ARIH2: variants seen among roughly 807,000 people sequenced by gnomAD.
ARIH2 encodes ariadne RBR E3 ubiquitin protein ligase 2.
Under a neutral mutation model 79.8 loss-of-function variants are expected in ARIH2, and 12 were observed. That is an observed-to-expected ratio of 0.15 (90% CI 0.10 to 0.24). The LOEUF is 0.24. Among genes scored for constraint, ARIH2 ranks in the 10% least tolerant of loss-of-function variants. ARIH2 has a pLI of 1.00. For missense variants in ARIH2, 301 were observed against 618.3 expected (o/e 0.49, Z 5.44); for synonymous variants, 224 against 213.9 (o/e 1.05, Z -0.41).
rs1424113790 is a variant in ARIH2, at chr3:48,980,338, T to C, written c.1114-15T>C. The C allele has an allele frequency of 6.2e-7, 1 of 1,611,360 alleles. No homozygotes were observed. The highest frequency in any genetic ancestry group is 2.2e-5 in the East Asian group (1 of 44,882). The stretch of plus-strand genomic sequence containing the variant: ...TGGGACTCCTGTGGTTTTCTTCTTC[T>C]TCTGTGCCCTGTAGTGGGAAAACCA... On this transcript the variant is annotated splice_polypyrimidine_tract_variant and intron_variant, in intron 12 of 15. Transcript: ENST00000356401.
intron 3 of ARIH2, among the ~76,000 whole-genome samples, chr3:48,955,949 C>T (rs1246960114): frequency 6.6e-6 from 1 of 152,150 alleles, no homozygotes; most frequent in Non-Finnish European, 1.5e-5. Flanking sequence ...GCTGCTTTTG[C>T]TCAGAGGACT....
intron 2 of ARIH2, among the ~76,000 whole-genome samples, chr3:48,925,369 T>TC: frequency 6.6e-6 from 1 of 151,796 alleles, no homozygotes; most frequent in African/African-American, 2.4e-5. Context: ...TGCCTCGGCC[T>TC]CCCAAAGTGC....
At chr3:48,967,348 A>AGTTTACTTG in intron 6 of ARIH2, 73 bp downstream of exon 6, 2 of 1,495,488 alleles carry the variant, frequency 1.3e-6, no homozygotes, top group Non-Finnish European at 1.8e-6. Context: ...TCATGTACTC[A>AGTTTACTTG]AGTAAACTGA....
intron 1 of ARIH2, chr3:48,919,429 G>C (rs9884022): frequency 0.68 from 219,595 of 323,256 alleles, 76,329 homozygotes; most frequent in East Asian, 0.96. Context: ...GAATATCCCG[G>C]AGCCCGCGGC....
chr3:48,934,536 G>C (rs1033823051), intron 3 of ARIH2: 1 of 985,192 alleles, frequency 1.0e-6, no homozygotes, highest in African/African-American at 1.7e-5. Context: ...TTCTATTTTT[G>C]TGATCTGATG....
intron 11 of ARIH2, 139 bp downstream of exon 11, chr3:48,975,118 C>T (rs2092430458): frequency 7.2e-7 from 1 of 1,385,714 alleles, no homozygotes; most frequent in Admixed American, 2.1e-5. Flanking sequence ...CAGTAACTGG[C>T]ATAAAGTAGC....
At chr3:48,937,714 A>G (rs528786610) in intron 3 of ARIH2, among the ~76,000 whole-genome samples, 1 of 152,256 alleles carries the variant, frequency 6.6e-6, no homozygotes, top group East Asian at 1.9e-4. Context: ...ATTCTCTTCA[A>G]AGGACTTTTT....
chr3:48,974,566 G>A (rs139207089), intron 9 of ARIH2: 18 of 561,140 alleles, frequency 3.2e-5, no homozygotes, highest in Non-Finnish European at 5.1e-5. Context: ...TAGCTTCATG[G>A]CAGGGGCAGA....
chr3:48,922,559 T>C (rs566657316), intron 1 of ARIH2, 189 bp from the exon 2 acceptor site: 42 of 152,282 alleles, frequency 2.8e-4, no homozygotes, highest in Non-Finnish European at 4.9e-4. Flanking sequence ...TAGAAGGTCA[T>C]GTAACTCTTG....
At chr3:48,931,361 C>T (rs371796080) in intron 3 of ARIH2, among the ~76,000 whole-genome samples, 2 of 151,672 alleles carry the variant, frequency 1.3e-5, no homozygotes, top group East Asian at 3.9e-4. Flanking sequence ...CTGGCTAACA[C>T]GGTGAAACCC....
chr3:48,939,528 C>T (rs951567362), intron 3 of ARIH2, among the ~76,000 whole-genome samples: 2 of 151,556 alleles, frequency 1.3e-5, no homozygotes, highest in East Asian at 3.9e-4. Flanking sequence ...GAGGCCGAGG[C>T]GGGTGGATCA....
At chr3:48,964,837 A>G (rs983919568) in intron 4 of ARIH2, 82 bp from the exon 5 acceptor site, 1 of 1,097,402 alleles carries the variant, frequency 9.1e-7, no homozygotes, top group Non-Finnish European at 1.4e-6. Flanking sequence ...TGCTCTAAAC[A>G]TCTTTCTCTG....
chr3:48,921,701 A>G (rs1471299275), intron 1 of ARIH2: 2 of 151,732 alleles, frequency 1.3e-5, no homozygotes, highest in Non-Finnish European at 2.9e-5. Context: ...CCCAAACCAA[A>G]GTGCTGGGAT....
intron 3 of ARIH2, among the ~76,000 whole-genome samples, chr3:48,959,982 C>T (rs2091080499): frequency 1.3e-5 from 2 of 152,184 alleles, no homozygotes; most frequent in East Asian, 3.8e-4. Flanking sequence ...ATCTGTGGAC[C>T]AGGCACATAC....
At chr3:48,978,946 G>A (rs1191313870) in intron 11 of ARIH2, among the ~76,000 whole-genome samples, 1 of 151,448 alleles carries the variant, frequency 6.6e-6, no homozygotes, top group South Asian at 2.1e-4. Context: ...GGGTGACAGA[G>A]TGAGACTCTG....
intron 3 of ARIH2, among the ~76,000 whole-genome samples, chr3:48,929,344 CTTTT>C (rs80236685): frequency 3.2e-4 from 47 of 144,746 alleles, no homozygotes; most frequent in Non-Finnish European, 5.0e-4. Context: ...TCCTTCCTTC[CTTTT>C]TTTTTTTGTT....
intron 3 of ARIH2, among the ~76,000 whole-genome samples, chr3:48,943,734 G>C (rs2088697332): frequency 6.6e-6 from 1 of 152,168 alleles, no homozygotes; most frequent in African/African-American, 2.4e-5. Flanking sequence ...GAAACATGCT[G>C]TTGGAATCTG....
intron 11 of ARIH2, among the ~76,000 whole-genome samples, chr3:48,976,873 C>T (rs1351618302): frequency 6.6e-6 from 1 of 151,564 alleles, no homozygotes; most frequent in Non-Finnish European, 1.5e-5. Flanking sequence ...CACTGAACTC[C>T]AGCCTGGGCG....
intron 5 of ARIH2, among the ~76,000 whole-genome samples, chr3:48,966,418 G>A (rs1466995662): frequency 1.3e-5 from 2 of 152,102 alleles, no homozygotes; most frequent in Non-Finnish European, 2.9e-5. Flanking sequence ...GTCTTTCTCT[G>A]CCAGTTTGTG....
Sources: gnomAD v4.1 joint callset for allele counts (sites outside exome capture counted in the v4.1 genomes callset) on GRCh38, gnomAD v4.1.1 for gene constraint, MANE v1.5 for transcripts, NCBI Gene and HGNC (gene_info 2026-07-23, HGNC 2026-07-21) for gene names.